Variants in SPAG16 observed in about 807,000 individuals in gnomAD.
SPAG16 encodes sperm-associated antigen 16 protein.
In SPAG16, 86 loss-of-function variants were observed where a neutral mutation model predicts 80.4. The ratio of observed to expected loss-of-function variants is 1.07; its 90% CI spans 0.90 to 1.28. The LOEUF is 1.28. Among genes scored for constraint, SPAG16 ranks in the 50% most tolerant of loss-of-function variants. SPAG16 has a pLI of 0.00. For synonymous variants in SPAG16, 294 were observed against 265.9 expected (o/e 1.11, Z -1.03); for missense variants, 870 against 765.3 (o/e 1.14, Z -1.61).
intron 10 of SPAG16, among the ~76,000 whole-genome samples, chr2:213,782,162 A>T (rs1342508650): frequency 6.6e-6 from 1 of 151,202 alleles, no homozygotes; most frequent in Non-Finnish European, 1.5e-5. Flanking sequence ...CTTGTACTCT[A>T]AACTGTAATA....
At chr2:214,204,219 C>T (rs182754466) in intron 15 of SPAG16, among the ~76,000 whole-genome samples, 6 of 152,338 alleles carry the variant, frequency 3.9e-5, no homozygotes, top group Admixed American at 1.3e-4. Flanking sequence ...ACCCTGCCCT[C>T]ACCTGATGGT....
chr2:213,348,176 G>A (rs1021007286), intron 6 of SPAG16, among the ~76,000 whole-genome samples: 2 of 152,166 alleles, frequency 1.3e-5, no homozygotes, highest in African/African-American at 4.8e-5. Flanking sequence ...TTGGTTTAAA[G>A]TCTGTTTTAT....
chr2:214,332,712 G>A (rs1697007713), intron 15 of SPAG16, among the ~76,000 whole-genome samples: 1 of 152,164 alleles, frequency 6.6e-6, no homozygotes, highest in Non-Finnish European at 1.5e-5. Flanking sequence ...ATATTATGGA[G>A]ACTACCACGC....
chr2:213,862,404 T>A (rs2075507803), intron 10 of SPAG16, 81 bp from the exon 11 acceptor site: 2 of 1,539,560 alleles, frequency 1.3e-6, no homozygotes, highest in Admixed American at 1.7e-5. Flanking sequence ...AATCGGATAA[T>A]CACTGCCATT....
At position 214,295,279 on chromosome 2, in the gene SPAG16, T is replaced by A. The variant is rs532284754; in HGVS notation, c.1721-114861T>A. On this transcript the variant is annotated intron_variant, in intron 15 of 15. Coordinates refer to ENST00000331683, the MANE Select transcript of SPAG16 (RefSeq NM_024532.5). ...GATAACTTCTTTATCAATGCCTGCT[T>A]TGTTATACAGCGAACTCTCTGCTAA... 2.6e-5 allele frequency among the ~76,000 whole-genome samples: 4 copies of A among 152,346 alleles called. No individual in the cohort carries two copies. In the South Asian group the frequency reaches 8.3e-4, roughly 32 times the overall value.
chr2:214,407,944 C>T (rs1282313513), intron 15 of SPAG16, among the ~76,000 whole-genome samples: 7 of 152,068 alleles, frequency 4.6e-5, no homozygotes, highest in South Asian at 2.1e-4. Context: ...GAATTAGTTA[C>T]GATACGTACT....
intron 10 of SPAG16, among the ~76,000 whole-genome samples, chr2:213,614,402 A>T (rs1353045094): frequency 2.0e-5 from 3 of 152,240 alleles, no homozygotes; most frequent in Non-Finnish European, 4.4e-5. Context: ...ATGGTAATCA[A>T]CAGGCTTCTG....
chr2:214,374,773 T>G (rs529357692), intron 15 of SPAG16, among the ~76,000 whole-genome samples: 1 of 152,318 alleles, frequency 6.6e-6, no homozygotes, highest in South Asian at 2.1e-4. Context: ...TCAAAGTAGA[T>G]GCATACCTCA....
chr2:214,080,677 A>G (rs981586888), intron 13 of SPAG16, among the ~76,000 whole-genome samples: 6 of 152,190 alleles, frequency 3.9e-5, no homozygotes, highest in Admixed American at 3.3e-4. Context: ...AAGCTATTTT[A>G]AATATTTTAT....
chr2:213,553,812 T>G (rs1228227804), intron 10 of SPAG16, among the ~76,000 whole-genome samples: 2 of 152,156 alleles, frequency 1.3e-5, no homozygotes, highest in African/African-American at 4.8e-5. Context: ...GCTCAGCTAC[T>G]CTATAAAGAG....
intron 10 of SPAG16, among the ~76,000 whole-genome samples, chr2:213,849,068 C>T (rs1478737187): frequency 6.6e-6 from 1 of 152,040 alleles, no homozygotes; most frequent in Non-Finnish European, 1.5e-5. Flanking sequence ...GTATTTTTCT[C>T]ACAATTCTGG....
intron 15 of SPAG16, among the ~76,000 whole-genome samples, chr2:214,336,825 C>G (rs189357425): frequency 2.7e-5 from 4 of 150,282 alleles, no homozygotes; most frequent in Admixed American, 6.7e-5. Context: ...TGATATATCT[C>G]TACAAGTAAG....
At chr2:213,752,337 C>T (rs1179109338) in intron 10 of SPAG16, among the ~76,000 whole-genome samples, 1 of 152,116 alleles carries the variant, frequency 6.6e-6, no homozygotes, top group Non-Finnish European at 1.5e-5. Context: ...TCCATCAGCT[C>T]TAGAAATATG....
At chr2:214,114,933 T>C (rs2053860195) in intron 14 of SPAG16, among the ~76,000 whole-genome samples, 1 of 152,226 alleles carries the variant, frequency 6.6e-6, no homozygotes, top group African/African-American at 2.4e-5. Context: ...TATTTGGCCA[T>C]CTTGGAACAG....
intron 10 of SPAG16, among the ~76,000 whole-genome samples, chr2:213,562,954 C>T (rs76641834): frequency 0.011 from 1,680 of 152,286 alleles, 32 homozygotes; most frequent in African/African-American, 0.036. Context: ...ATCTAAACAC[C>T]GCCTAAAGGC....
intron 9 of SPAG16, among the ~76,000 whole-genome samples, chr2:213,465,484 C>T (rs2072631874): frequency 6.6e-6 from 1 of 152,176 alleles, no homozygotes; most frequent in Admixed American, 6.5e-5. Context: ...GCACTACTAT[C>T]TGTTCACAGT....
chr2:213,420,074 A>G (rs1029193569), intron 9 of SPAG16, among the ~76,000 whole-genome samples: 1 of 152,236 alleles, frequency 6.6e-6, no homozygotes, highest in Non-Finnish European at 1.5e-5. Context: ...AACTAAAGCA[A>G]TAAACATTGG....
intron 13 of SPAG16, among the ~76,000 whole-genome samples, chr2:214,086,752 C>T (rs796714420): frequency 5.9e-5 from 9 of 152,250 alleles, no homozygotes; most frequent in African/African-American, 1.9e-4. Context: ...GATGTCTCCT[C>T]CCTACTCTAC....
At chr2:213,712,484 C>T (rs939003389) in intron 10 of SPAG16, among the ~76,000 whole-genome samples, 6 of 152,154 alleles carry the variant, frequency 3.9e-5, no homozygotes, top group Admixed American at 1.3e-4. Flanking sequence ...GAGTGCCGCA[C>T]CATCTAAGCC....
Sources: allele counts gnomAD v4.1 joint callset (sites outside exome capture counted in the v4.1 genomes callset), GRCh38; gene constraint gnomAD v4.1.1; transcripts MANE v1.5; gene names NCBI Gene and HGNC (gene_info 2026-07-23, HGNC 2026-07-21).